The following CIT variants were observed in gnomAD, a reference collection of about 807,000 sequenced individuals.
The protein encoded by CIT is citron rho-interacting serine/threonine kinase, also known as citron Rho-interacting kinase.
Under a neutral mutation model 272.7 loss-of-function variants are expected in CIT, and 79 were observed. The ratio of observed to expected loss-of-function variants is 0.29; its 90% CI spans 0.24 to 0.35. CIT has a LOEUF of 0.35. CIT is among the 10% of genes least tolerant of loss of function. The pLI is 1.00. For synonymous variants in CIT, 948 were observed against 995.6 expected, an observed-to-expected ratio of 0.95 and a Z score of 0.90; for missense variants, 1,909 against 2,618.3, an observed-to-expected ratio of 0.73 and a Z score of 5.91.
chr12:119,763,567 G>A (rs1962075776), intron 19 of CIT, among the ~76,000 whole-genome samples: 1 of 152,204 alleles, frequency 6.6e-6, no homozygotes, highest in East Asian at 1.9e-4. Context: ...CAAAAATAAC[G>A]CCAGCGGTAA....
Position 119,803,306 on chromosome 12 carries a change from A to G in CIT, c.1195T>C (p.Ser399Pro). ...GAGGGGCTCAGCTGGCACGGAGAGG[A>G]TGAAACCCACGAATTCTTCTCTGGT... ...DEPEKNSWVS[S>P]SPCQLSPSGF... Residue 399 changes from serine to proline, a missense_variant, in exon 10 of 48, where the codon TCC (serine) becomes CCC (proline). Ser to Pro is a moderately conservative substitution (Grantham distance 74). Around this residue, in one of 8 missense-constraint regions of CIT, gnomAD observed 529 missense variants for 549.6 expected, o/e 0.96. Transcript: ENST00000392521. 6.2e-7 allele frequency: 1 copy of G among 1,609,932 alleles called. No individual in the cohort carries two copies. The highest frequency in any genetic ancestry group is 8.5e-7 in the Non-Finnish European group (1 of 1,178,142).
At chr12:119,776,296 A>G in intron 15 of CIT, 62 bp downstream of exon 15, 1 of 1,270,744 alleles carries the variant, frequency 7.9e-7, no homozygotes, top group South Asian at 1.2e-5. Context: ...GCCACTGATA[A>G]TAACATGAAA....
intron 41 of CIT, among the ~76,000 whole-genome samples, chr12:119,702,891 A>ATGCAG (rs1387879528): frequency 1.3e-5 from 2 of 152,270 alleles, no homozygotes; most frequent in African/African-American, 4.8e-5. Flanking sequence ...CTATGCAGTC[A>ATGCAG]TCATCATGAT....
intron 4 of CIT, among the ~76,000 whole-genome samples, chr12:119,856,532 A>AACCACTGAACACACACAC (rs1167331978): frequency 2.0e-5 from 3 of 151,702 alleles, no homozygotes; most frequent in African/African-American, 7.3e-5. Flanking sequence ...GTCTGTTCTG[A>AACCACTGAACACACACAC]ACCACTGAAC....
intron 9 of CIT, among the ~76,000 whole-genome samples, chr12:119,805,256 C>T (rs1321700488): frequency 1.3e-5 from 2 of 152,174 alleles, no homozygotes; most frequent in Non-Finnish European, 2.9e-5. Context: ...GTTCAAATCC[C>T]AGCTCCACCA....
intron 23 of CIT, among the ~76,000 whole-genome samples, chr12:119,747,290 G>A (rs542783608): frequency 2.6e-5 from 4 of 151,976 alleles, no homozygotes; most frequent in African/African-American, 7.2e-5. Flanking sequence ...GAGTGGTGGC[G>A]CATGCCTGTA....
chr12:119,806,357 A>G (rs1966606730), intron 9 of CIT, among the ~76,000 whole-genome samples: 2 of 152,040 alleles, frequency 1.3e-5, no homozygotes, highest in Non-Finnish European at 2.9e-5. Context: ...GAAGTGGGGG[A>G]ACTGGAAATA....
intron 9 of CIT, among the ~76,000 whole-genome samples, chr12:119,815,368 G>T (rs901738739): frequency 2.6e-5 from 4 of 151,948 alleles, no homozygotes; most frequent in African/African-American, 9.7e-5. Context: ...TATAAAGATT[G>T]CTTCATTCAT....
intron 46 of CIT, among the ~76,000 whole-genome samples, chr12:119,692,427 T>G (rs992071805): frequency 6.6e-6 from 1 of 152,276 alleles, no homozygotes; most frequent in Non-Finnish European, 1.5e-5. Context: ...GGTCTAACTG[T>G]ATCAGAACCT....
chr12:119,740,332 A>T (rs1958995701), intron 24 of CIT, among the ~76,000 whole-genome samples: 2 of 152,236 alleles, frequency 1.3e-5, no homozygotes, highest in South Asian at 4.1e-4. Context: ...GGACAAGATG[A>T]ATTACAAAGG....
At chr12:119,780,285 T>C (rs1485912715) in intron 13 of CIT, among the ~76,000 whole-genome samples, 1 of 152,118 alleles carries the variant, frequency 6.6e-6, no homozygotes, top group African/African-American at 2.4e-5. Flanking sequence ...CTAAATATTC[T>C]AGAGGGGGTA....
chr12:119,745,400 A>C (rs2952404), intron 23 of CIT, among the ~76,000 whole-genome samples: 4 of 143,762 alleles, frequency 2.8e-5, no homozygotes, highest in Non-Finnish European at 3.1e-5. Flanking sequence ...AAAAAAAAAC[A>C]CCTGTCCACA....
chr12:119,871,988 GATCA>G (rs1950692555), intron 2 of CIT, among the ~76,000 whole-genome samples: 1 of 152,176 alleles, frequency 6.6e-6, no homozygotes, highest in Non-Finnish European at 1.5e-5. Flanking sequence ...CAAGAGTTTA[GATCA>G]ATTAAAGCAG....
At chr12:119,851,098 T>C (rs1970196625) in intron 4 of CIT, among the ~76,000 whole-genome samples, 1 of 152,198 alleles carries the variant, frequency 6.6e-6, no homozygotes, top group South Asian at 2.1e-4. Flanking sequence ...CTTTTTATTT[T>C]TGTAGAGACA....
intron 32 of CIT, among the ~76,000 whole-genome samples, chr12:119,715,678 G>C (rs1038695728): frequency 6.6e-6 from 1 of 152,072 alleles, no homozygotes; most frequent in South Asian, 2.1e-4. Flanking sequence ...TTTAATGAGC[G>C]AACTGTACGG....
At position 119,776,769 on chromosome 12, in the gene CIT, C is replaced by T. The variant is rs778897507; in HGVS notation, c.1739G>A (p.Arg580Lys). The T allele has an allele frequency of 3.1e-6, 5 of 1,614,172 alleles. No homozygotes were observed. Among genetic ancestry groups the T allele is most frequent in the Non-Finnish European group, 4.2e-6 (5 of 1,180,034 alleles). ...CTCAGATTCGTAGAGATCACTCCGTCTTCTTGCTGAGACAAGATCCTCTTC... is the reference window on the plus strand; with the variant it reads ...CTCAGATTCGTAGAGATCACTCCGTTTTCTTGCTGAGACAAGATCCTCTTC... ...QLEEDLVSAR[R>K]RSDLYESELR... The change falls in exon 14 of 48, where the codon AGA (arginine) becomes AAA (lysine). Residue 580 changes from arginine (R) to lysine (K), a missense_variant. Physicochemically the swap from Arg to Lys is conservative, Grantham distance 26. Transcript: ENST00000392521.
At chr12:119,715,581 G>C (rs1957415293) in intron 32 of CIT, among the ~76,000 whole-genome samples, 1 of 151,458 alleles carries the variant, frequency 6.6e-6, no homozygotes, top group African/African-American at 2.4e-5. Context: ...TTTTTGGGTG[G>C]GGGGGTGTCA....
intron 30 of CIT, among the ~76,000 whole-genome samples, chr12:119,719,358 T>C (rs1957714324): frequency 6.9e-6 from 1 of 145,696 alleles, no homozygotes; most frequent in African/African-American, 2.6e-5. Flanking sequence ...AAAATGCAAA[T>C]GAAAATATTT....
rs1966441605 is a variant in CIT, at chr12:119,804,140, G to A, written c.1112-751C>T. 1.1e-5 allele frequency: 11 copies of A among 984,312 alleles called. No individual in the cohort carries two copies. The highest frequency in any genetic ancestry group is 3.5e-5 in the African/African-American group (2 of 57,184). 61.0% of individuals were successfully genotyped at this position (984,312 alleles called of 1,614,324 possible). On this transcript the variant is annotated intron_variant, in intron 9 of 47. Coordinates refer to ENST00000392521, the MANE Select transcript of CIT (RefSeq NM_001206999.2). This position sits in a 1 kb window ranked among gnomAD's most constrained non-coding sequence, Gnocchi z 5.3. ...CTGCGCGCTGACGGTGGGAATGCAC[G>A]GATGGACATATGCGGCTCCTACCTC...
Sources: gnomAD v4.1 joint callset for allele counts (sites outside exome capture counted in the v4.1 genomes callset) on GRCh38, gnomAD v4.1.1 for gene constraint, gnomAD v4.1.1 regional missense constraint, Gnocchi (gnomAD v3.1) non-coding constraint, MANE v1.5 for transcripts, NCBI Gene and HGNC (gene_info 2026-07-23, HGNC 2026-07-21) for gene names.